The following ADCY8 variants were observed in gnomAD, a reference collection of about 807,000 sequenced individuals.
The protein encoded by ADCY8 is adenylate cyclase 8.
Under a neutral mutation model 119.7 loss-of-function variants are expected in ADCY8, and 51 were observed. That is an observed-to-expected ratio of 0.43 (90% confidence interval 0.34 to 0.54). The LOEUF is 0.54. ADCY8 is among the 20% of genes least tolerant of loss of function. The pLI is 0.03. For synonymous variants in ADCY8, 665 were observed against 651.0 expected (o/e 1.02, Z -0.33); for missense variants, 1,383 against 1,598.8 (o/e 0.87, Z 2.30).
At chr8:130,883,749 G>A (rs1021602976) in intron 8 of ADCY8, among the ~76,000 whole-genome samples, 1 of 152,108 alleles carries the variant, frequency 6.6e-6, no homozygotes. Flanking sequence ...CAGCACAAAG[G>A]AGCAACCCAG....
chr8:130,819,647 G>A (rs1180456750), intron 13 of ADCY8, among the ~76,000 whole-genome samples: 1 of 152,184 alleles, frequency 6.6e-6, no homozygotes, highest in African/African-American at 2.4e-5. Context: ...TGATGGCCTT[G>A]TCTAAATCTG....
At chr8:130,902,861 A>G (rs774544214) in intron 7 of ADCY8, among the ~76,000 whole-genome samples, 2 of 152,052 alleles carry the variant, frequency 1.3e-5, no homozygotes, top group Admixed American at 1.3e-4. Context: ...TAAGTGTTAT[A>G]TATTGGCTAT....
chr8:131,005,502 C>T (rs573932501), intron 1 of ADCY8, among the ~76,000 whole-genome samples: 10 of 152,340 alleles, frequency 6.6e-5, no homozygotes, highest in African/African-American at 1.7e-4. Flanking sequence ...ACTGGACCAA[C>T]TTTGCTGGCT....
chr8:130,963,772 C>T (rs1187090413), intron 2 of ADCY8, among the ~76,000 whole-genome samples: 1 of 152,036 alleles, frequency 6.6e-6, no homozygotes, highest in Non-Finnish European at 1.5e-5. Context: ...GCAGGTGAGA[C>T]CCTGGGAAGG....
chr8:130,788,343 T>C (rs950046480), intron 15 of ADCY8, among the ~76,000 whole-genome samples: 1 of 152,172 alleles, frequency 6.6e-6, no homozygotes, highest in Admixed American at 6.5e-5. Context: ...TTAGAAAACA[T>C]GGATGAATCT....
At chr8:130,850,731 A>C (rs773752633) in intron 9 of ADCY8, among the ~76,000 whole-genome samples, 1 of 152,156 alleles carries the variant, frequency 6.6e-6, no homozygotes, top group Admixed American at 6.5e-5. Context: ...TCCATTGGCC[A>C]GTGCTAAATA....
At chr8:130,875,600 C>G (rs920940967) in intron 8 of ADCY8, among the ~76,000 whole-genome samples, 5 of 152,176 alleles carry the variant, frequency 3.3e-5, no homozygotes, top group Non-Finnish European at 7.3e-5. Flanking sequence ...AAAATTCATT[C>G]ATTTGCTTAG....
At chr8:130,804,466 T>C (rs1269065526) in intron 14 of ADCY8, among the ~76,000 whole-genome samples, 1 of 152,202 alleles carries the variant, frequency 6.6e-6, no homozygotes, top group Non-Finnish European at 1.5e-5. Flanking sequence ...CAGTTACATT[T>C]TGAGATCCTT....
chr8:130,780,926 A>G (rs2130027268), intron 17 of ADCY8, 49 bp from the exon 18 acceptor site: 1 of 1,593,970 alleles, frequency 6.3e-7, no homozygotes. Context: ...AAGGGGGACA[A>G]TGGGGTGTTT....
At chr8:130,836,879 A>G (rs1817005993) in intron 11 of ADCY8, among the ~76,000 whole-genome samples, 1 of 152,090 alleles carries the variant, frequency 6.6e-6, no homozygotes. Flanking sequence ...GATTACAGGC[A>G]CATGCCACCA....
intron 7 of ADCY8, among the ~76,000 whole-genome samples, chr8:130,898,959 T>C (rs935823869): frequency 8.5e-5 from 13 of 152,148 alleles, no homozygotes; most frequent in African/African-American, 3.1e-4. Context: ...TTCTATCACT[T>C]CTGGAATAAA....
chr8:131,037,954 C>A (rs1452862562), intron 1 of ADCY8, among the ~76,000 whole-genome samples: 1 of 152,080 alleles, frequency 6.6e-6, no homozygotes, highest in Non-Finnish European at 1.5e-5. Context: ...AACCCTTACT[C>A]AGAGTCTCTC....
rs536685849 is a variant in ADCY8, at chr8:130,874,807, C to T, written c.2110-6861G>A. 2.6e-5 allele frequency among the ~76,000 whole-genome samples: 4 copies of T among 152,228 alleles called. No individual in the cohort carries two copies. The South Asian group carries it at 8.3e-4, about 32-fold the overall frequency. ...CATTCTTCCAGCTCACCCTCCCCAA[C>T]ATCTTTCATCCTTGGGAGGAAGAAC... On this transcript the variant is annotated intron_variant, in intron 8 of 17. Transcript: ENST00000286355.
chr8:130,884,490 GCT>G (rs1818902672), intron 8 of ADCY8, 72 bp downstream of exon 8: 2 of 1,491,606 alleles, frequency 1.3e-6, no homozygotes, highest in Non-Finnish European at 1.9e-6. Flanking sequence ...CAGCCCCTGG[GCT>G]CTCTCTCTAG....
intron 5 of ADCY8, among the ~76,000 whole-genome samples, chr8:130,923,046 T>C (rs576008378): frequency 2.5e-4 from 38 of 152,348 alleles, no homozygotes; most frequent in African/African-American, 8.2e-4. Context: ...TTTCTAGATA[T>C]ATTCAATTTT....
chr8:130,867,731 G>T, intron 9 of ADCY8, 115 bp downstream of exon 9: 2 of 594,268 alleles, frequency 3.4e-6, no homozygotes, highest in East Asian at 5.9e-5. Flanking sequence ...ATTTTGGTAT[G>T]CGTCCTGGAC....
In ADCY8 at chr8:130,781,325, G is replaced by T. The variant is rs371038576; in HGVS notation, c.3269-448C>A. Among the ~76,000 whole-genome samples, 3 of 152,104 alleles carry T rather than the reference G, an allele frequency of 2.0e-5. No individual in the cohort carries two copies. The South Asian group carries it at 6.2e-4, about 32-fold the overall frequency. ...CTTTTCCCTCTCTGTTTTAGCCCAG[G>T]TCCTCAGCATCATTCCCTTGGTCCA... On this transcript the variant is annotated intron_variant, in intron 17 of 17. Transcript: ENST00000286355.
intron 6 of ADCY8, among the ~76,000 whole-genome samples, chr8:130,909,477 C>A (rs1819905197): frequency 6.6e-6 from 1 of 152,214 alleles, no homozygotes; most frequent in South Asian, 2.1e-4. Flanking sequence ...AGGACCAATG[C>A]TGTGCAGGGC....
chr8:130,946,572 G>T (rs1047247698), intron 3 of ADCY8, among the ~76,000 whole-genome samples: 36 of 152,086 alleles, frequency 2.4e-4, no homozygotes, highest in African/African-American at 8.7e-4. Context: ...TCGCCCTGTT[G>T]GTGCCCCTCT....
Sources: gnomAD v4.1 joint callset for allele counts (sites outside exome capture counted in the v4.1 genomes callset) on GRCh38, gnomAD v4.1.1 for gene constraint, MANE v1.5 for transcripts, NCBI Gene and HGNC (gene_info 2026-07-23, HGNC 2026-07-21) for gene names.